RAB3IL1: variants seen among roughly 807,000 people sequenced by gnomAD.
RAB3IL1 encodes the protein guanine nucleotide exchange factor for Rab-3A.
Under a neutral mutation model 49.2 loss-of-function variants are expected in RAB3IL1, and 37 were observed. That is an observed-to-expected ratio of 0.75 (90% CI 0.58 to 0.99). The LOEUF (loss-of-function observed/expected upper bound fraction) is 0.99, where lower values mean the gene tolerates loss of function less well. RAB3IL1 is among the 50% of genes least tolerant of loss of function. The pLI is 0.00. For missense variants in RAB3IL1, 484 were observed against 513.0 expected, an observed-to-expected ratio of 0.94 and a Z score of 0.55; for synonymous variants, 193 against 213.9, an observed-to-expected ratio of 0.90 and a Z score of 0.85.
chr11:61,923,904 C>T (rs1939954459), upstream of RAB3IL1, among the ~76,000 whole-genome samples: 1 of 152,196 alleles, frequency 6.6e-6, no homozygotes, highest in Non-Finnish European at 1.5e-5. Flanking sequence ...AAACTTGGGC[C>T]TGGAGGCTCC....
At chr11:61,902,390 G>A in intron 8 of RAB3IL1, 52 bp downstream of exon 8, 1 of 1,483,960 alleles carries the variant, frequency 6.7e-7, no homozygotes, top group Non-Finnish European at 9.2e-7. Context: ...CAGTGTCCCA[G>A]CACCCAGGTG....
At chr11:61,944,221 T>C in the RAB3IL1 span, among the ~76,000 whole-genome samples, 2 of 86,592 alleles carry the variant, frequency 2.3e-5, no homozygotes. Context: ...CTTCCTTCCC[T>C]CCTTCCTTCC....
chr11:61,906,340 A>G lies in RAB3IL1; in HGVS notation c.657+126T>C, dbSNP rs116384742. The G allele has an allele frequency of 3.0e-3, 2,617 of 885,730 alleles. 40 individuals are homozygous for G. The African/African-American group carries it at 0.035, about 12-fold the overall frequency. The allele number at this position is 885,730 out of a possible 1,614,324, so 54.9% of individuals were successfully genotyped here. ...AGGACCTGCCCAGCCCTCACATCCC[A>G]GAGAGGCGCAGGACAGGCTCCAGGT... On this transcript the variant is annotated intron_variant, in intron 5 of 9. Coordinates refer to ENST00000394836, the MANE Select transcript of RAB3IL1 (RefSeq NM_013401.4). This position sits in a 1 kb window ranked among gnomAD's most constrained non-coding sequence, Gnocchi z 4.6.
At position 61,906,354 on chromosome 11, in the gene RAB3IL1, C is replaced by A; in HGVS notation, c.657+112G>T. 1.0e-6 allele frequency: 1 copy of A among 992,910 alleles called. No individual in the cohort carries two copies. Among genetic ancestry groups the A allele is most frequent in the Non-Finnish European group, 1.5e-6 (1 of 658,798 alleles). 61.5% of individuals were successfully genotyped at this position (992,910 alleles called of 1,614,324 possible). ...CCTCACATCCCAGAGAGGCGCAGGA[C>A]AGGCTCCAGGTCACACAGCATGGGG... On this transcript the variant is annotated intron_variant, in intron 5 of 9. Transcript: ENST00000394836. The surrounding 1 kb of genome is among the most constrained non-coding windows in gnomAD (Gnocchi z 4.6).
intron 1 of RAB3IL1, among the ~76,000 whole-genome samples, chr11:61,910,033 A>G (rs943415486): frequency 2.6e-5 from 4 of 152,164 alleles, no homozygotes; most frequent in Admixed American, 6.5e-5. Flanking sequence ...ACAAACAAAC[A>G]AACATAAAAC....
chr11:61,899,499 T>A, intron 8 of RAB3IL1, 119 bp from the exon 9 acceptor site: 2 of 884,480 alleles, frequency 2.3e-6, no homozygotes, highest in Non-Finnish European at 3.5e-6. Context: ...CAGTGCTCCC[T>A]GACTCAGCTG....
chr11:61,918,279 C>T (rs1355696843), upstream of RAB3IL1, among the ~76,000 whole-genome samples: 1 of 152,198 alleles, frequency 6.6e-6, no homozygotes, highest in Admixed American at 6.5e-5. Context: ...GATCATTCGT[C>T]TCAACTTCAG....
At chr11:61,901,510 C>T (rs1263589599) in intron 8 of RAB3IL1, among the ~76,000 whole-genome samples, 2 of 152,224 alleles carry the variant, frequency 1.3e-5, no homozygotes, top group Non-Finnish European at 2.9e-5. Context: ...ACTCTAGCAT[C>T]ACTCCTGGAT....
At chr11:61,922,694 A>G (rs1271390183), upstream of RAB3IL1, among the ~76,000 whole-genome samples, 1 of 151,688 alleles carries the variant, frequency 6.6e-6, no homozygotes, top group Non-Finnish European at 1.5e-5. Flanking sequence ...CCAGTTCCTC[A>G]CACCCCACCC....
rs1342624172 is a variant in RAB3IL1 at position 61,899,305 on chromosome 11, G to A, written c.1066+9C>T. The A allele has an allele frequency of 1.2e-6, 2 of 1,603,728 alleles. No individual in the cohort carries two copies. Among genetic ancestry groups the A allele is most frequent in the Non-Finnish European group, 1.7e-6 (2 of 1,179,224 alleles). On this transcript the variant is annotated intron_variant, in intron 9 of 9. Transcript: ENST00000394836. ...GCGATCCCTGCACCGGCCACCAGGG[G>A]GCGCTCACCGTCCTGCCGCACCAGG... is the stretch of plus-strand genomic sequence containing the variant.
At chr11:61,916,449 C>G (rs1280648444) in intron 1 of RAB3IL1, among the ~76,000 whole-genome samples, 1 of 152,140 alleles carries the variant, frequency 6.6e-6, no homozygotes. Flanking sequence ...CCCCTAGCAT[C>G]GCAGCTCAAC....
upstream of RAB3IL1, among the ~76,000 whole-genome samples, chr11:61,923,250 C>T (rs1939944305): frequency 6.6e-6 from 1 of 152,232 alleles, no homozygotes; most frequent in South Asian, 2.1e-4. Flanking sequence ...TCTCTTCTTG[C>T]AGATGAGGAA....
chr11:61,907,874 C>T (rs971667787), intron 2 of RAB3IL1, among the ~76,000 whole-genome samples, 180 bp downstream of exon 2: 1 of 152,194 alleles, frequency 6.6e-6, no homozygotes, highest in Non-Finnish European at 1.5e-5. Flanking sequence ...GCTCAGGGCA[C>T]GTTTGCAGTC....
At chr11:61,928,433 A>G in the RAB3IL1 span, among the ~76,000 whole-genome samples, 2 of 149,120 alleles carry the variant, frequency 1.3e-5, no homozygotes, top group East Asian at 2.0e-4. Context: ...CAAAATACAC[A>G]GAGCTAGGAC....
At chr11:61,908,895 C>T (rs1381111067) in intron 1 of RAB3IL1, among the ~76,000 whole-genome samples, 3 of 152,210 alleles carry the variant, frequency 2.0e-5, no homozygotes, top group Non-Finnish European at 4.4e-5. Context: ...TCCCCCTGGA[C>T]TTGGTGGGGA....
upstream of RAB3IL1, chr11:61,917,571 CGGAGGGGGGAGCGG>C: frequency 9.2e-7 from 1 of 1,085,734 alleles, no homozygotes. Flanking sequence ...GGTCACGTGG[CGGAGGGGGGAGCGG>C]CCCGAGGACA....
At chr11:61,934,450 G>GTGTGTA in the RAB3IL1 span, among the ~76,000 whole-genome samples, 62 of 31,606 alleles carry the variant, frequency 2.0e-3, no homozygotes, top group East Asian at 2.5e-3. Context: ...GTGTGTGTAT[G>GTGTGTA]TATATATATA....
chr11:61,903,609 C>G (rs577396830), intron 7 of RAB3IL1, among the ~76,000 whole-genome samples: 1 of 152,014 alleles, frequency 6.6e-6, no homozygotes, highest in East Asian at 1.9e-4. Flanking sequence ...CCACAACCTC[C>G]GTCTCCCAGG....
chr11:61,933,208 A>G, the RAB3IL1 span, among the ~76,000 whole-genome samples: 2 of 152,228 alleles, frequency 1.3e-5, no homozygotes, highest in Non-Finnish European at 2.9e-5. Flanking sequence ...GAGTCTGTAA[A>G]GATGTAATTA....
Sources: allele counts gnomAD v4.1 joint callset (sites outside exome capture counted in the v4.1 genomes callset), GRCh38; gene constraint gnomAD v4.1.1; non-coding constraint Gnocchi (gnomAD v3.1); transcripts MANE v1.5; gene names NCBI Gene and HGNC (gene_info 2026-07-23, HGNC 2026-07-21).